Variants in SPZ1 observed in about 807,000 individuals in gnomAD.
SPZ1 encodes the protein spermatogenic leucine zipper protein 1.
For missense variants in SPZ1, 408 were observed against 486.2 expected, an observed-to-expected ratio of 0.84 and a Z score of 1.51; for synonymous variants, 160 against 167.6, an observed-to-expected ratio of 0.95 and a Z score of 0.35.
At position 80,320,954 on chromosome 5, in the gene SPZ1, A is replaced by G; in HGVS notation, c.739A>G (p.Met247Val). 1 of 1,613,384 alleles carries G rather than the reference A, an allele frequency of 6.2e-7. No homozygotes were observed. Among genetic ancestry groups the G allele is most frequent in the Admixed American group, 1.7e-5 (1 of 59,852 alleles). ...AGAAACTATGAAAATTAGGAACAACATGGAGCAGTTACTACAGGAAGCAGA... is the reference window on the plus strand; with the variant it reads ...AGAAACTATGAAAATTAGGAACAACGTGGAGCAGTTACTACAGGAAGCAGA... ...QEETMKIRNN[M>V]EQLLQEAEHW... Residue 247 changes from methionine to valine, a missense_variant, in exon 1 of 1, where the codon ATG (methionine) becomes GTG (valine). Met to Val is a conservative substitution (Grantham distance 21, BLOSUM62 1). Transcript: ENST00000296739.
In SPZ1 at chr5:80,320,754, C is replaced by A. The variant is rs184214819; in HGVS notation, c.539C>A (p.Ala180Asp). 5.1e-3 allele frequency: 8,221 copies of A among 1,613,682 alleles called. 48 individuals are homozygous for A. The highest frequency in any genetic ancestry group is 0.013 in the Middle Eastern group (80 of 6,056). ...TCAACAAACCTGCCTGTTAGTTTAG[C>A]CCCAGAGAAAGAAGACAATGAAAAG... The part of the protein sequence containing the change: ...MLSTNLPVSL[A>D]PEKEDNEKKQ... Residue 180 changes from alanine (A) to aspartate (D), a missense_variant, in exon 1 of 1, where the codon GCC becomes GAC. Physicochemically the swap from Ala to Asp is moderately radical, Grantham distance 126. Coordinates refer to ENST00000296739, the MANE Select transcript of SPZ1 (RefSeq NM_032567.4).
chr5:80,321,469 T>A lies in SPZ1; in HGVS notation c.1254T>A (p.Ala418=). The A allele has an allele frequency of 6.3e-7, 1 of 1,588,570 alleles. No individual in the cohort carries two copies. Among genetic ancestry groups the A allele is most frequent in the Non-Finnish European group, 8.5e-7 (1 of 1,173,278 alleles). The change falls in exon 1 of 1, where the codon GCT becomes GCA. Residue 418 remains alanine, a synonymous_variant. Transcript: ENST00000296739. Reference sequence around the variant, plus strand: ...TCAATATTCATGTTGCAAGAAAAGCTCTTAGGGGAAAAATGAGGTCAGCTA... The same window carrying A: ...TCAATATTCATGTTGCAAGAAAAGCACTTAGGGGAAAAATGAGGTCAGCTA... ...TQFNIHVARK[A]LRGKMRSASS...
chr5:80,321,662 C>A lies in SPZ1; in HGVS notation c.*154C>A, dbSNP rs541319315. 60 of 551,520 alleles carry A rather than the reference C, an allele frequency of 1.1e-4. No individual in the cohort carries two copies. The highest frequency in any genetic ancestry group is 9.7e-4 in the African/African-American group (50 of 51,520). The allele number at this position is 551,520 out of a possible 1,614,324, so 34.2% of individuals were successfully genotyped here. On this transcript the variant is annotated 3_prime_UTR_variant, in exon 1 of 1. Transcript: ENST00000296739. The stretch of plus-strand genomic sequence containing the variant: ...TAAGGAGATTGACACTTATATTACT[C>A]ATTACTTCAGCAGTTATGTAAGTCT...
At position 80,321,567 on chromosome 5, in the gene SPZ1, A is replaced by G. The variant is rs1743556048; in HGVS notation, c.*59A>G. On this transcript the variant is annotated 3_prime_UTR_variant, in exon 1 of 1. Coordinates refer to ENST00000296739, the MANE Select transcript of SPZ1 (RefSeq NM_032567.4). ...TAAAAAACTACATCTGTTACCTCCA[A>G]CTTGTCAGTCATGATCAATCATCAA... The G allele has an allele frequency of 7.5e-7, 1 of 1,339,052 alleles. No homozygotes were observed. The highest frequency in any genetic ancestry group is 1.0e-6 in the Non-Finnish European group (1 of 980,638). 82.9% of individuals were successfully genotyped at this position (1,339,052 alleles called of 1,614,324 possible).
Position 80,321,741 on chromosome 5 carries a change from A to G in SPZ1, c.*233A>G, listed in dbSNP as rs187458306. The G allele has an allele frequency of 1.2e-5, 4 of 342,912 alleles. No homozygotes were observed. In the Admixed American group the frequency reaches 1.9e-4, roughly 16 times the overall value. 21.2% of individuals were successfully genotyped at this position (342,912 alleles called of 1,614,324 possible). ...AAGTTCATAACTTTTCACCTTTACA[A>G]TCTGCTTGTTTTTTTTGTAATTATT... On this transcript the variant is annotated 3_prime_UTR_variant, in exon 1 of 1. Transcript: ENST00000296739.
In SPZ1 at chr5:80,320,262, C is replaced by T; in HGVS notation, c.47C>T (p.Thr16Ile). The stretch of plus-strand genomic sequence containing the variant: ...GCTGAGATGCCCACCATCTCCAAAA[C>T]CGTTAACCCTACTCCTGATCCTCAT... The part of the protein sequence containing the change: ...KSAEMPTISK[T>I]VNPTPDPHQE... Residue 16 changes from threonine (T) to isoleucine (I), a missense_variant, in exon 1 of 1, where the codon ACC (threonine) becomes ATC (isoleucine). Physicochemically the swap from Thr to Ile is moderately conservative, Grantham distance 89. Transcript: ENST00000296739. 6.2e-7 allele frequency: 1 copy of T among 1,613,590 alleles called. No homozygotes were observed. Among genetic ancestry groups the T allele is most frequent in the East Asian group, 2.2e-5 (1 of 44,870 alleles).
rs1254158831 is a variant in SPZ1 at position 80,320,082 on chromosome 5, A to G, written c.-134A>G. The G allele has an allele frequency of 1.1e-5, 8 of 712,940 alleles. No individual in the cohort carries two copies. The highest frequency in any genetic ancestry group is 1.8e-5 in the Non-Finnish European group (8 of 437,700). The allele number at this position is 712,940 out of a possible 1,614,324, so 44.2% of individuals were successfully genotyped here. On this transcript the variant is annotated 5_prime_UTR_variant, in exon 1 of 1. Transcript: ENST00000296739. The stretch of plus-strand genomic sequence containing the variant: ...AGATGCCACCTTCCACCTAAACATC[A>G]TCTCCCAAATTTTAATCCTTAACTT...
rs982143111 is a variant in SPZ1, at chr5:80,320,127, G to A, written c.-89G>A. 9.7e-6 allele frequency: 10 copies of A among 1,029,860 alleles called. No homozygotes were observed. The highest frequency in any genetic ancestry group is 2.3e-4 in the Middle Eastern group (1 of 4,434). The allele number at this position is 1,029,860 out of a possible 1,614,324, so 63.8% of individuals were successfully genotyped here. A position where few individuals can be genotyped will look rare whatever the true frequency, so the allele number is the denominator to read the frequency against. On this transcript the variant is annotated 5_prime_UTR_variant, in exon 1 of 1. Coordinates refer to ENST00000296739, the MANE Select transcript of SPZ1 (RefSeq NM_032567.4). Reference sequence around the variant, plus strand: ...TAACTTTGGTCTCTGACTTCTGCTTGATTCCACAGTCTCCACCCACATTTG... The same window carrying A: ...TAACTTTGGTCTCTGACTTCTGCTTAATTCCACAGTCTCCACCCACATTTG...
Position 80,321,403 on chromosome 5 carries a change from C to G in SPZ1, c.1188C>G (p.Ser396Arg), listed in dbSNP as rs1257888566. The change falls in exon 1 of 1, where the codon AGC becomes AGG. Residue 396 changes from serine (S) to arginine (R), a missense_variant. Ser to Arg is a moderately radical substitution (Grantham distance 110). Transcript: ENST00000296739. ...GGAAAAAAGACAGATCCTGTAGAAG[C>G]CTGGATGTTTGTCTTAATAAGAAAG... ...TFWKKDRSCRSLDVCLNKKAC... is the reference protein window; with the variant it reads ...TFWKKDRSCRRLDVCLNKKAC... 4 of 1,613,238 alleles carry G rather than the reference C, an allele frequency of 2.5e-6. No homozygotes were observed. In the African/African-American group the frequency reaches 4.0e-5, roughly 16 times the overall value.
In SPZ1 at chr5:80,321,386, G is replaced by T; in HGVS notation, c.1171G>T (p.Asp391Tyr). Residue 391 changes from aspartate to tyrosine, a missense_variant, in exon 1 of 1, where the codon GAC becomes TAC. Transcript: ENST00000296739. ...QAMKGTFWKK[D>Y]RSCRSLDVCL... The stretch of plus-strand genomic sequence containing the variant: ...AATGAAGGGTACATTTTGGAAAAAA[G>T]ACAGATCCTGTAGAAGCCTGGATGT... 3 of 1,613,458 alleles carry T rather than the reference G, an allele frequency of 1.9e-6. No individual in the cohort carries two copies. Among genetic ancestry groups the T allele is most frequent in the Non-Finnish European group, 2.5e-6 (3 of 1,179,600 alleles).
rs748762405 is a variant in SPZ1 at position 80,320,356 on chromosome 5, G to T, written c.141G>T (p.Trp47Cys). Reference protein sequence around the residue: ...FEIGSHSPSSWGSLPFLKNSS... With the variant: ...FEIGSHSPSSCGSLPFLKNSS... Reference sequence around the variant, plus strand: ...TTGGATCACATTCCCCTTCCTCCTGGGGCTCTCTCCCTTTCCTAAAGAATA... The same window carrying T: ...TTGGATCACATTCCCCTTCCTCCTGTGGCTCTCTCCCTTTCCTAAAGAATA... The change falls in exon 1 of 1, where the codon TGG becomes TGT. Residue 47 changes from tryptophan to cysteine, a missense_variant. Physicochemically the swap from Trp to Cys is radical, Grantham distance 215 (BLOSUM62 -2). Coordinates refer to ENST00000296739, the MANE Select transcript of SPZ1 (RefSeq NM_032567.4). The T allele has an allele frequency of 1.2e-5, 19 of 1,613,736 alleles. No individual in the cohort carries two copies. Among genetic ancestry groups the T allele is most frequent in the Non-Finnish European group, 1.5e-5 (18 of 1,179,996 alleles).
chr5:80,320,388 A>G lies in SPZ1; in HGVS notation c.173A>G (p.His58Arg). Residue 58 changes from histidine to arginine, a missense_variant, in exon 1 of 1, where the codon CAT becomes CGT. By Grantham distance (29) the His-to-Arg change is conservative. Transcript: ENST00000296739. ...CTCCCTTTCCTAAAGAATAGCAGCC[A>G]TCAAGTTACAGAACAACAGACTGCA... ...GSLPFLKNSS[H>R]QVTEQQTAQK... is the part of the protein sequence containing the mutation. 6.2e-7 allele frequency: 1 copy of G among 1,614,206 alleles called. No individual in the cohort carries two copies. The highest frequency in any genetic ancestry group is 8.5e-7 in the Non-Finnish European group (1 of 1,180,040).
Position 80,321,133 on chromosome 5 carries a change from G to A in SPZ1, c.918G>A (p.Gln306=). 4 of 1,613,802 alleles carry A rather than the reference G, an allele frequency of 2.5e-6. No homozygotes were observed. The highest frequency in any genetic ancestry group is 2.2e-5 in the South Asian group (2 of 90,964). Residue 306 remains glutamine (Q), a synonymous_variant, in exon 1 of 1, where the codon CAG becomes CAA. Coordinates refer to ENST00000296739, the MANE Select transcript of SPZ1 (RefSeq NM_032567.4). ...CGGCTAAGCATGAGCTGGAGGAACAGGTGAAGAAACTGAGCCATGACACCT... is the reference window on the plus strand; with the variant it reads ...CGGCTAAGCATGAGCTGGAGGAACAAGTGAAGAAACTGAGCCATGACACCT... ...EVSAKHELEE[Q]VKKLSHDTYS...
rs199574223 is a variant in SPZ1 at position 80,320,402 on chromosome 5, C to T, written c.187C>T (p.Gln63Ter). The T allele has an allele frequency of 1.6e-4, 257 of 1,614,126 alleles. 3 individuals carry two copies. The South Asian group carries it at 2.7e-3, about 17-fold the overall frequency. ...GAATAGCAGCCATCAAGTTACAGAACAACAGACTGCACAGAAGTTTAACAA... is the reference window on the plus strand; with the variant it reads ...GAATAGCAGCCATCAAGTTACAGAATAACAGACTGCACAGAAGTTTAACAA... Residue 63 changes from glutamine to a stop codon, truncating the protein, a stop_gained, in exon 2 of 2, where the codon CAA (glutamine) becomes TAA (stop). Transcript: ENST00000511881. LOFTEE classifies it low-confidence loss of function (END_TRUNC).
rs1743532034 is a variant in SPZ1 at position 80,320,529 on chromosome 5, A to T, written c.314A>T (p.Asp105Val). 1 of 1,614,080 alleles carries T rather than the reference A, an allele frequency of 6.2e-7. No individual in the cohort carries two copies. Among genetic ancestry groups the T allele is most frequent in the Non-Finnish European group, 8.5e-7 (1 of 1,180,030 alleles). Residue 105 changes from aspartate to valine, a missense_variant, in exon 1 of 1, where the codon GAT (aspartate) becomes GTT (valine). Asp to Val is a radical substitution (Grantham distance 152). Transcript: ENST00000296739. ...TTTGAGGAAACCAATATTACTGAGG[A>T]TGTGTCAGCCCACAAAGAAAATATC... is the stretch of plus-strand genomic sequence containing the variant. ...ELFEETNITE[D>V]VSAHKENIRG...
At position 80,321,259 on chromosome 5, in the gene SPZ1, T is replaced by G. The variant is rs1743549822; in HGVS notation, c.1044T>G (p.Thr348=). ...AACTCCATCATCAGAAACAGGGAAC[T>G]CTGCAAGAGAAGCCAATTCAGATAA... ...LKELHHQKQG[T]LQEKPIQINY... is the part of the protein sequence containing the mutation. Residue 348 remains threonine, a synonymous_variant, in exon 1 of 1, where the codon ACT becomes ACG. Transcript: ENST00000296739. The G allele has an allele frequency of 6.2e-7, 1 of 1,612,500 alleles. No individual in the cohort carries two copies. The highest frequency in any genetic ancestry group is 8.5e-7 in the Non-Finnish European group (1 of 1,179,628).
chr5:80,321,057 C>T lies in SPZ1; in HGVS notation c.842C>T (p.Thr281Ile). ...AAATCTCAGAAAGACATAAGTGAAACTCTTGGAAATAATGGAGTCGGTTTC... is the reference window on the plus strand; with the variant it reads ...AAATCTCAGAAAGACATAAGTGAAATTCTTGGAAATAATGGAGTCGGTTTC... ...YQKSQKDISE[T>I]LGNNGVGFQT... Residue 281 changes from threonine (T) to isoleucine (I), a missense_variant, in exon 1 of 1, where the codon ACT (threonine) becomes ATT (isoleucine). Thr to Ile is a moderately conservative substitution (Grantham distance 89). Transcript: ENST00000296739. The T allele has an allele frequency of 1.2e-6, 2 of 1,613,750 alleles. No homozygotes were observed. Among genetic ancestry groups the T allele is most frequent in the Non-Finnish European group, 1.7e-6 (2 of 1,179,942 alleles).
rs79191998 is a variant in SPZ1 at position 80,320,282 on chromosome 5, C to A, written c.67C>A (p.Pro23Thr). The A allele has an allele frequency of 1.4e-5, 22 of 1,613,786 alleles. No homozygotes were observed. In the East Asian group the frequency reaches 3.1e-4, roughly 23 times the overall value. The stretch of plus-strand genomic sequence containing the variant: ...CAAAACCGTTAACCCTACTCCTGAT[C>A]CTCATCAAGAATATCTGGACCCTAG... ...ISKTVNPTPD[P>T]HQEYLDPRIT... The change falls in exon 1 of 1, where the codon CCT becomes ACT. Residue 23 changes from proline (P) to threonine (T), a missense_variant. Physicochemically the swap from Pro to Thr is conservative, Grantham distance 38 (BLOSUM62 -1). Transcript: ENST00000296739.
chr5:80,321,281 A>G lies in SPZ1; in HGVS notation c.1066A>G (p.Ile356Val), dbSNP rs1422299404. The G allele has an allele frequency of 1.2e-6, 2 of 1,610,192 alleles. No homozygotes were observed. The highest frequency in any genetic ancestry group is 2.2e-5 in the East Asian group (1 of 44,880). Residue 356 changes from isoleucine to valine, a missense_variant, in exon 1 of 1, where the codon ATA (isoleucine) becomes GTA (valine). Ile to Val is a conservative substitution (Grantham distance 29, BLOSUM62 3). Coordinates refer to ENST00000296739, the MANE Select transcript of SPZ1 (RefSeq NM_032567.4). ...AACTCTGCAAGAGAAGCCAATTCAG[A>G]TAAACTATAAACAGGACAAGAAAAA... ...QGTLQEKPIQ[I>V]NYKQDKKNQK...
Sources: gnomAD v4.1 joint callset for allele counts on GRCh38, gnomAD v4.1.1 for gene constraint, MANE v1.5 for transcripts, NCBI Gene and HGNC (gene_info 2026-07-23, HGNC 2026-07-21) for gene names.